Variants in PLEKHA6 observed in about 807,000 individuals in gnomAD.
The protein encoded by PLEKHA6 is pleckstrin homology domain containing A6.
In PLEKHA6, 60 loss-of-function variants were observed where a neutral mutation model predicts 116.7. The observed-to-expected ratio is 0.51, with a 90% CI of 0.42 to 0.64. The LOEUF (loss-of-function observed/expected upper bound fraction) is 0.64, where lower values mean the gene tolerates loss of function less well. PLEKHA6 is among the 30% of genes least tolerant of loss of function. The pLI, the probability that PLEKHA6 is intolerant of heterozygous loss-of-function variation, is 0.00. For synonymous variants in PLEKHA6, 489 were observed against 556.1 expected (o/e 0.88, Z 1.70); for missense variants, 1,338 against 1,422.7 (o/e 0.94, Z 0.96).
chr1:204,295,926 A>G (rs1029896252), intron 1 of PLEKHA6, among the ~76,000 whole-genome samples: 2 of 152,154 alleles, frequency 1.3e-5, no homozygotes, highest in African/African-American at 4.8e-5. Context: ...ATAAACGGAA[A>G]CTCAAGAAGC....
chr1:204,377,934 C>G (rs530086435), upstream of PLEKHA6: 2 of 152,304 alleles, frequency 1.3e-5, no homozygotes, highest in Admixed American at 6.5e-5. Flanking sequence ...CCTGCCTCCT[C>G]GTCGACTCGG....
chr1:204,236,898 G>A (rs1419669564), intron 17 of PLEKHA6, among the ~76,000 whole-genome samples: 3 of 152,200 alleles, frequency 2.0e-5, no homozygotes, highest in Admixed American at 2.0e-4. Flanking sequence ...CTTGAATGAA[G>A]GGGAGGCAGG....
rs116761228 is a variant in PLEKHA6, at chr1:204,261,529, C to T, written c.382-81G>A. ...GTCACCTGTTGGGAGAAGACACCAA[C>T]GCCCACAGAATGGGCAGTCAGTTGG... On this transcript the variant is annotated intron_variant, in intron 6 of 22. Transcript: ENST00000272203. This position sits in a 1 kb window ranked among gnomAD's most constrained non-coding sequence, Gnocchi z 4.0. 2.9e-3 allele frequency: 4,254 copies of T among 1,463,360 alleles called. 10 individuals are homozygous for T. Among genetic ancestry groups the T allele is most frequent in the Middle Eastern group, 5.0e-3 (23 of 4,576 alleles). The allele number at this position is 1,463,360 out of a possible 1,614,324, so 90.6% of individuals were successfully genotyped here. A position where few individuals can be genotyped will look rare whatever the true frequency, so the allele number is the denominator to read the frequency against.
At chr1:204,362,004 G>C (rs1374245005), upstream of PLEKHA6, among the ~76,000 whole-genome samples, 1 of 152,242 alleles carries the variant, frequency 6.6e-6, no homozygotes, top group African/African-American at 2.4e-5. Context: ...AAGGGCCGCA[G>C]ACGAGTCCCA....
chr1:204,369,259 C>T (rs1281733072), intron 2 of PLEKHA6: 1 of 152,140 alleles, frequency 6.6e-6, no homozygotes, highest in African/African-American at 2.4e-5. Context: ...ACATTTTCGC[C>T]GATAACAGAT....
chr1:204,307,864 A>T, intron 1 of PLEKHA6: 3 of 985,386 alleles, frequency 3.0e-6, no homozygotes, highest in Non-Finnish European at 3.6e-6. Context: ...GTTCAAGTCC[A>T]GGTGCTTAAG....
intron 1 of PLEKHA6, chr1:204,325,977 C>T: frequency 2.4e-6 from 2 of 848,034 alleles, no homozygotes; most frequent in Non-Finnish European, 2.8e-6. Flanking sequence ...GTCCCTCTGC[C>T]CACAGCAAGC....
intron 17 of PLEKHA6, among the ~76,000 whole-genome samples, chr1:204,240,535 T>C (rs953350646): frequency 1.3e-5 from 2 of 152,248 alleles, no homozygotes; most frequent in Non-Finnish European, 2.9e-5. Flanking sequence ...CTTTATCATA[T>C]GACATAGGAT....
At chr1:204,346,831 G>A (rs1035805087) in intron 1 of PLEKHA6, 6 of 1,338,134 alleles carry the variant, frequency 4.5e-6, no homozygotes, top group South Asian at 2.3e-5. Flanking sequence ...CTTCCCATTG[G>A]TTCTCACAAA....
chr1:204,243,882 G>A (rs529512507), intron 15 of PLEKHA6, among the ~76,000 whole-genome samples: 4 of 152,118 alleles, frequency 2.6e-5, no homozygotes, highest in Non-Finnish European at 4.4e-5. Flanking sequence ...GTGCAGTGGC[G>A]CAATCTCGGC....
intron 10 of PLEKHA6, 120 bp downstream of exon 10, chr1:204,250,426 A>G (rs1664378855): frequency 5.5e-6 from 4 of 722,508 alleles, no homozygotes; most frequent in Non-Finnish European, 1.0e-5. Context: ...CCAGAAGGAG[A>G]GAGATAGATG....
chr1:204,259,451 A>T lies in PLEKHA6; in HGVS notation c.814T>A (p.Trp272Arg), dbSNP rs1665816174. ...GGEQPAQPNG[W>R]QYHSPSRPGS... Reference sequence around the variant, plus strand: ...GGCCGGCTTGGGGAGTGGTACTGCCAGCCATTGGGCTGGGCAGGCTGTTCC... The same window carrying T: ...GGCCGGCTTGGGGAGTGGTACTGCCTGCCATTGGGCTGGGCAGGCTGTTCC... The change falls in exon 8 of 23, where the codon TGG becomes AGG. Residue 272 changes from tryptophan to arginine, a missense_variant. Physicochemically the swap from Trp to Arg is moderately radical, Grantham distance 101. Coordinates refer to ENST00000272203, the MANE Select transcript of PLEKHA6 (RefSeq NM_014935.5). The surrounding 1 kb of genome is among the most constrained non-coding windows in gnomAD (Gnocchi z 4.6). 1.9e-6 allele frequency: 3 copies of T among 1,614,082 alleles called. No individual in the cohort carries two copies. Among genetic ancestry groups the T allele is most frequent in the Middle Eastern group, 1.6e-4 (1 of 6,084 alleles).
intron 1 of PLEKHA6, among the ~76,000 whole-genome samples, chr1:204,346,447 A>C (rs1673054416): frequency 6.6e-6 from 1 of 152,078 alleles, no homozygotes; most frequent in Admixed American, 6.5e-5. Context: ...GAGCCACCAC[A>C]AATGAGCCAT....
intron 1 of PLEKHA6, among the ~76,000 whole-genome samples, chr1:204,333,706 C>A (rs1352527366): frequency 2.6e-5 from 4 of 152,162 alleles, no homozygotes; most frequent in Admixed American, 6.5e-5. Context: ...CCTCAGCTTG[C>A]AGGGAAGGGG....
At chr1:204,366,760 T>C (rs1673668979) in intron 3 of PLEKHA6, among the ~76,000 whole-genome samples, 1 of 151,828 alleles carries the variant, frequency 6.6e-6, no homozygotes, top group African/African-American at 2.4e-5. Flanking sequence ...GACCCTATCT[T>C]AAAAAAAAGA....
chr1:204,223,474 A>C lies in PLEKHA6; in HGVS notation c.3143T>G (p.Val1048Gly). The C allele has an allele frequency of 2.0e-6, 3 of 1,534,500 alleles. No homozygotes were observed. Among genetic ancestry groups the C allele is most frequent in the South Asian group, 2.4e-5 (2 of 83,744 alleles). The change falls in exon 22 of 23, where the codon GTC becomes GGC. Residue 1048 changes from valine (V) to glycine (G), a missense_variant. Transcript: ENST00000272203. This position sits in a 1 kb window ranked among gnomAD's most constrained non-coding sequence, Gnocchi z 4.8. Reference sequence around the variant, plus strand: ...GAAAAGTGCTTACGTCAGAGCTCAGACCCGCATGGTATAGCTGCTGTCGGC... The same window carrying C: ...GAAAAGTGCTTACGTCAGAGCTCAGCCCCGCATGGTATAGCTGCTGTCGGC... ...RGADSSYTMR[V>G]
intron 6 of PLEKHA6, among the ~76,000 whole-genome samples, chr1:204,262,884 A>C (rs893208259): frequency 1.3e-5 from 2 of 151,778 alleles, no homozygotes; most frequent in Non-Finnish European, 2.9e-5. Context: ...GATAGGGGAT[A>C]GAGAGACCAG....
Position 204,374,022 on chromosome 1 carries a change from C to T in PLEKHA6, c.84-2416G>A, listed in dbSNP as rs147178786. On this transcript the variant is annotated intron_variant, in intron 1 of 4. Transcript: ENST00000564627. Reference sequence around the variant, plus strand: ...AGATTTTTCAGCCCCTGACTCTCCCCTCCTTGCACACTGTCCGCCCCCTCA... The same window carrying T: ...AGATTTTTCAGCCCCTGACTCTCCCTTCCTTGCACACTGTCCGCCCCCTCA... Among the ~76,000 whole-genome samples, 45 of 152,266 alleles carry T rather than the reference C, an allele frequency of 3.0e-4. No homozygotes were observed. In the East Asian group the frequency reaches 8.1e-3, roughly 27 times the overall value.
chr1:204,241,665 G>T lies in PLEKHA6; in HGVS notation c.2302+20C>A, dbSNP rs140114107. On this transcript the variant is annotated intron_variant, in intron 16 of 22. Coordinates refer to ENST00000272203, the MANE Select transcript of PLEKHA6 (RefSeq NM_014935.5). Reference sequence around the variant, plus strand: ...GAGCATCCTTGCCTTACTTCTAGGGGAAGATGGGACAGAAAGTACCTTTGT... The same window carrying T: ...GAGCATCCTTGCCTTACTTCTAGGGTAAGATGGGACAGAAAGTACCTTTGT... The T allele has an allele frequency of 7.8e-5, 122 of 1,562,188 alleles. No individual in the cohort carries two copies. In the African/African-American group the frequency reaches 1.3e-3, roughly 16 times the overall value.
Sources: allele counts gnomAD v4.1 joint callset (sites outside exome capture counted in the v4.1 genomes callset), GRCh38; gene constraint gnomAD v4.1.1; non-coding constraint Gnocchi (gnomAD v3.1); transcripts MANE v1.5; gene names NCBI Gene and HGNC (gene_info 2026-07-23, HGNC 2026-07-21).